Variants in FAS observed in about 807,000 individuals in gnomAD.
The protein encoded by FAS is Fas cell surface death receptor.
A neutral mutation model predicts 33.2 loss-of-function variants in FAS; 5 were observed. The ratio of observed to expected loss-of-function variants is 0.15; its 90% CI spans 0.08 to 0.32. The LOEUF is 0.32. FAS is among the 10% of genes least tolerant of loss of function. FAS has a pLI of 1.00. For missense variants in FAS, 339 were observed against 386.0 expected, an observed-to-expected ratio of 0.88 and a Z score of 1.02; for synonymous variants, 131 against 130.7, an observed-to-expected ratio of 1.00 and a Z score of -0.01.
chr10:88,979,346 C>A (rs1352451422), intron 2 of FAS, among the ~76,000 whole-genome samples: 1 of 152,136 alleles, frequency 6.6e-6, no homozygotes, highest in East Asian at 1.9e-4. Flanking sequence ...GAAGGGAAGA[C>A]TTGTGGCTCA....
At chr10:88,986,294 A>G (rs12263976), upstream of FAS, among the ~76,000 whole-genome samples, 1,777 of 152,214 alleles carry the variant, frequency 0.012, 35 homozygotes, top group African/African-American at 0.041. Flanking sequence ...GTTTGTTTTC[A>G]TAGAATATCT....
intron 1 of FAS, among the ~76,000 whole-genome samples, chr10:88,998,448 T>C (rs1847732581): frequency 6.6e-6 from 1 of 152,124 alleles, no homozygotes; most frequent in Non-Finnish European, 1.5e-5. Flanking sequence ...GGAAGTTGTA[T>C]ATACCAAATT....
chr10:88,971,818 C>T (rs896125539), intron 1 of FAS, among the ~76,000 whole-genome samples: 1 of 152,058 alleles, frequency 6.6e-6, no homozygotes, highest in Non-Finnish European at 1.5e-5. Context: ...GGGTGATGCT[C>T]TGATGGTGAG....
At chr10:88,980,377 C>T (rs1161248775) in intron 2 of FAS, among the ~76,000 whole-genome samples, 5 of 152,142 alleles carry the variant, frequency 3.3e-5, no homozygotes, top group Non-Finnish European at 5.9e-5. Context: ...TGAACATAAC[C>T]ACAGTGGAGG....
chr10:89,014,543 T>C lies in FAS; in HGVS notation c.*93T>C. ...CTGTAAATACTGCTTGGTTTTTTAC[T>C]GGGTACATTTTATCATTTATTAGCG... On this transcript the variant is annotated 3_prime_UTR_variant, in exon 9 of 9. Transcript: ENST00000652046. The C allele has an allele frequency of 8.5e-7, 1 of 1,182,480 alleles. No individual in the cohort carries two copies. The highest frequency in any genetic ancestry group is 1.2e-6 in the Non-Finnish European group (1 of 821,102). The allele number at this position is 1,182,480 out of a possible 1,614,324, so 73.2% of individuals were successfully genotyped here.
chr10:88,988,574 T>C (rs1846991136), upstream of FAS, among the ~76,000 whole-genome samples: 1 of 152,112 alleles, frequency 6.6e-6, no homozygotes, highest in Non-Finnish European at 1.5e-5. Flanking sequence ...AGGATGGTTG[T>C]CCAAAATATC....
At chr10:89,013,609 T>C (rs1848639848) in intron 8 of FAS, among the ~76,000 whole-genome samples, 1 of 152,194 alleles carries the variant, frequency 6.6e-6, no homozygotes, top group African/African-American at 2.4e-5. Context: ...TAAGAAACTT[T>C]TCCTTCATAA....
At chr10:88,985,048 G>A (rs1160588223), upstream of FAS, among the ~76,000 whole-genome samples, 1 of 152,120 alleles carries the variant, frequency 6.6e-6, no homozygotes, top group East Asian at 1.9e-4. Flanking sequence ...AAAAGGCGTT[G>A]GTGATGGTCT....
chr10:88,990,282 T>A (rs1847082892), upstream of FAS, among the ~76,000 whole-genome samples: 1 of 152,156 alleles, frequency 6.6e-6, no homozygotes, highest in African/African-American at 2.4e-5. This position sits in a 1 kb window ranked among gnomAD's most constrained non-coding sequence, Gnocchi z 4.9. Context: ...TTTCTCTGAG[T>A]GACTCCAGCA....
intron 2 of FAS, among the ~76,000 whole-genome samples, chr10:89,006,427 A>G (rs1848232292): frequency 6.6e-6 from 1 of 152,240 alleles, no homozygotes; most frequent in South Asian, 2.1e-4. Flanking sequence ...TTTTATCAAA[A>G]AGAATATATG....
chr10:88,996,770 C>T (rs557761092), intron 1 of FAS, among the ~76,000 whole-genome samples: 6 of 152,018 alleles, frequency 3.9e-5, no homozygotes, highest in East Asian at 3.9e-4. Flanking sequence ...TTTTATTTGT[C>T]GAATAAAAAT....
intron 1 of FAS, among the ~76,000 whole-genome samples, chr10:88,964,212 T>A (rs985671066): frequency 6.6e-6 from 1 of 152,142 alleles, no homozygotes; most frequent in East Asian, 1.9e-4. Context: ...CGAATTCTTA[T>A]CTGGAACCCC....
chr10:89,013,246 T>C, intron 7 of FAS, 97 bp from the exon 8 acceptor site: 9 of 1,207,798 alleles, frequency 7.5e-6, no homozygotes, highest in Non-Finnish European at 1.1e-5. Context: ...TGATTGTACT[T>C]CTTTCTGAAT....
At chr10:88,974,260 A>T (rs1466239847) in intron 2 of FAS, 3 of 152,188 alleles carry the variant, frequency 2.0e-5, no homozygotes, top group African/African-American at 7.2e-5. Context: ...GAAAAAAAAA[A>T]AAATCAGGCT....
chr10:88,989,881 C>T (rs996020780), upstream of FAS, among the ~76,000 whole-genome samples: 1 of 152,200 alleles, frequency 6.6e-6, no homozygotes, highest in East Asian at 1.9e-4. Context: ...GTAATGATGT[C>T]ATTATCCAAA....
chr10:88,978,976 A>G (rs911097408), intron 2 of FAS, among the ~76,000 whole-genome samples: 1 of 151,858 alleles, frequency 6.6e-6, no homozygotes, highest in African/African-American at 2.4e-5. Flanking sequence ...CATCTTTTCT[A>G]TGAATTACCT....
At chr10:88,966,931 G>T (rs1460347652) in intron 1 of FAS, among the ~76,000 whole-genome samples, 1 of 152,226 alleles carries the variant, frequency 6.6e-6, no homozygotes, top group African/African-American at 2.4e-5. Context: ...ACCATTAGGA[G>T]ATCCTGAGGC....
intron 2 of FAS, among the ~76,000 whole-genome samples, chr10:88,978,633 G>A (rs1376896702): frequency 6.6e-6 from 1 of 152,110 alleles, no homozygotes; most frequent in African/African-American, 2.4e-5. Flanking sequence ...CATGCTGAGA[G>A]ATGGGTCTAG....
rs147866832 is a variant in FAS at position 89,008,945 on chromosome 10, C to A, written c.391C>A (p.Pro131Thr). 9 of 1,613,876 alleles carry A rather than the reference C, an allele frequency of 5.6e-6. No homozygotes were observed. The African/African-American group carries it at 8.0e-5, about 14-fold the overall frequency. The change falls in exon 4 of 9, where the codon CCA becomes ACA. Residue 131 changes from proline to threonine, a missense_variant. Pro to Thr is a conservative substitution (Grantham distance 38). Coordinates refer to ENST00000652046, the MANE Select transcript of FAS (RefSeq NM_000043.6). Reference sequence around the variant, plus strand: ...CCAGAATACCAAGTGCAGATGTAAACCAAACTTTTTTTGTAACTCTACTGT... The same window carrying A: ...CCAGAATACCAAGTGCAGATGTAAAACAAACTTTTTTTGTAACTCTACTGT... ...RTQNTKCRCK[P>T]NFFCNSTVCE...
Sources: gnomAD v4.1 joint callset for allele counts (sites outside exome capture counted in the v4.1 genomes callset) on GRCh38, gnomAD v4.1.1 for gene constraint, Gnocchi (gnomAD v3.1) non-coding constraint, MANE v1.5 for transcripts, NCBI Gene and HGNC (gene_info 2026-07-23, HGNC 2026-07-21) for gene names.